The following SCN9A variants were observed in gnomAD, a reference collection of about 807,000 sequenced individuals.
SCN9A encodes sodium voltage-gated channel alpha subunit 9, also known as sodium channel protein type 9 subunit alpha.
In SCN9A, 131 loss-of-function variants were observed where a neutral mutation model predicts 187.0. That is an observed-to-expected ratio of 0.70 (90% confidence interval 0.61 to 0.81). The LOEUF (loss-of-function observed/expected upper bound fraction) is 0.81, where lower values mean the gene tolerates loss of function less well. Among genes scored for constraint, SCN9A ranks in the 30% least tolerant of loss-of-function variants. The pLI is 0.00. For missense variants in SCN9A, 2,252 were observed against 2,396.6 expected, an observed-to-expected ratio of 0.94 and a Z score of 1.26; for synonymous variants, 809 against 808.6, an observed-to-expected ratio of 1.00 and a Z score of -0.01.
chr2:166,296,850 A>G (rs1397858175), intron 7 of SCN9A, among the ~76,000 whole-genome samples: 2 of 152,166 alleles, frequency 1.3e-5, no homozygotes, highest in Admixed American at 6.5e-5. Flanking sequence ...GAATGCAAAG[A>G]AAAATGAAAT....
intron 24 of SCN9A, among the ~76,000 whole-genome samples, chr2:166,215,299 G>T (rs1191104420): frequency 6.6e-6 from 1 of 151,980 alleles, no homozygotes; most frequent in East Asian, 1.9e-4. Flanking sequence ...AGAAAAAGAA[G>T]CCCTGAGAGA....
chr2:166,290,806 A>G (rs752939465), intron 9 of SCN9A, among the ~76,000 whole-genome samples: 2 of 152,204 alleles, frequency 1.3e-5, no homozygotes, highest in Non-Finnish European at 2.9e-5. Context: ...AATCCATCAC[A>G]TAAACAGAAC....
At chr2:166,245,102 GACTA>G (rs1409047346) in intron 18 of SCN9A, among the ~76,000 whole-genome samples, 3 of 151,760 alleles carry the variant, frequency 2.0e-5, no homozygotes, top group Admixed American at 6.6e-5. Flanking sequence ...TTATTTCACT[GACTA>G]ACATAAATAT....
Position 166,251,851 on chromosome 2 carries a change from G to C in SCN9A, c.3386C>G (p.Thr1129Arg). ...LNRSSSSECSTVDNPLPGEGE... is the reference protein window; with the variant it reads ...LNRSSSSECSRVDNPLPGEGE... ...TTCTCCAGGCAAAGGGTTATCAACT[G>C]TGCTGCACTCTGAGGAGCTTGACCG... Residue 1129 changes from threonine (T) to arginine (R), a missense_variant, in exon 18 of 27, where the codon ACA (threonine) becomes AGA (arginine). Physicochemically the swap from Thr to Arg is moderately conservative, Grantham distance 71. This residue lies in a region of SCN9A where 313 missense variants were observed against 295.3 expected (regional missense o/e 1.06). Transcript: ENST00000642356. 2 of 1,612,526 alleles carry C rather than the reference G, an allele frequency of 1.2e-6. No homozygotes were observed. The highest frequency in any genetic ancestry group is 1.7e-6 in the Non-Finnish European group (2 of 1,179,050).
chr2:166,242,220 C>T (rs1695596242), intron 19 of SCN9A, among the ~76,000 whole-genome samples: 1 of 152,086 alleles, frequency 6.6e-6, no homozygotes, highest in Non-Finnish European at 1.5e-5. Flanking sequence ...GCCACAGACT[C>T]TCTCCCTGTT....
chr2:166,230,071 T>A (rs1028366559), intron 21 of SCN9A, among the ~76,000 whole-genome samples: 4 of 152,178 alleles, frequency 2.6e-5, no homozygotes, highest in Non-Finnish European at 5.9e-5. Context: ...TTTGCAAACA[T>A]TTTTATAAAT....
rs752362481 is a variant in SCN9A, at chr2:166,228,966, C to G, written c.3931G>C (p.Val1311Leu). The stretch of plus-strand genomic sequence containing the variant: ...GGAATTGCTCCTATGAGTGCATTCA[C>G]AACGACCTAGTATTCAAAAGAAAGA... Reference protein sequence around the residue: ...LSRFEGMRVVVNALIGAIPSI... With the variant: ...LSRFEGMRVVLNALIGAIPSI... The change falls in exon 22 of 27, where the codon GTG becomes CTG. Residue 1311 changes from valine (V) to leucine (L), a missense_variant. Val to Leu is a conservative substitution (Grantham distance 32). Transcript: ENST00000642356. 1.2e-6 allele frequency: 2 copies of G among 1,611,224 alleles called. No individual in the cohort carries two copies. Among genetic ancestry groups the G allele is most frequent in the Non-Finnish European group, 1.7e-6 (2 of 1,177,732 alleles).
chr2:166,294,022 G>A (rs567048892), intron 8 of SCN9A, among the ~76,000 whole-genome samples: 3 of 152,124 alleles, frequency 2.0e-5, no homozygotes, highest in African/African-American at 7.2e-5. Flanking sequence ...ATAGATGTCT[G>A]CATAGGGGGA....
At chr2:166,355,029 A>AT (rs1700119881) in intron 1 of SCN9A, among the ~76,000 whole-genome samples, 1 of 151,872 alleles carries the variant, frequency 6.6e-6, no homozygotes, top group South Asian at 2.1e-4. Flanking sequence ...TCCAAACCTC[A>AT]TGGGCTCAAG....
At chr2:166,296,998 C>A (rs567500573) in intron 7 of SCN9A, among the ~76,000 whole-genome samples, 1 of 151,560 alleles carries the variant, frequency 6.6e-6, no homozygotes, top group East Asian at 1.9e-4. Flanking sequence ...GAGATCGAGA[C>A]CATCCTGGCT....
intron 1 of SCN9A, chr2:166,321,657 AG>A (rs766010851): frequency 2.3e-4 from 35 of 152,266 alleles, no homozygotes; most frequent in Non-Finnish European, 3.5e-4. Flanking sequence ...AAGTTGAAGG[AG>A]AGAAGGAAGA....
intron 1 of SCN9A, among the ~76,000 whole-genome samples, chr2:166,314,350 G>A (rs978660524): frequency 1.3e-5 from 2 of 152,084 alleles, no homozygotes; most frequent in African/African-American, 4.8e-5. Flanking sequence ...TAGGATAAAG[G>A]TTTTTAAAGA....
rs537648288 is a variant in SCN9A at position 166,374,918 on chromosome 2, TAAAAA to T, written c.-51+774_-51+778del. Among the ~76,000 whole-genome samples the T allele has an allele frequency of 1.0e-3, 143 of 142,336 alleles. 1 individual carries two copies. The highest frequency in any genetic ancestry group is 3.1e-3 in the African/African-American group (122 of 39,188). The allele number at this position is 142,336 out of a possible 152,430, so 93.4% of individuals were successfully genotyped here. A position where few individuals can be genotyped will look rare whatever the true frequency, so the allele number is the denominator to read the frequency against. Reference sequence around the variant, plus strand: ...GATATAATCTATGAACGCTCCAACTTAAAAAAAAAAAACTAAAATAATGAGTGAAA... The same window carrying T: ...GATATAATCTATGAACGCTCCAACTTAAAAAAACTAAAATAATGAGTGAAA... On this transcript the variant is annotated intron_variant, in intron 1 of 26. Transcript: ENST00000642356.
At chr2:166,356,760 T>C (rs77373314) in intron 1 of SCN9A, among the ~76,000 whole-genome samples, 1,881 of 152,244 alleles carry the variant, frequency 0.012, 44 homozygotes, top group African/African-American at 0.043. Context: ...CACTTAAAAA[T>C]CAGACTTGGA....
intron 18 of SCN9A, among the ~76,000 whole-genome samples, chr2:166,249,719 A>G (rs1268831893): frequency 6.6e-6 from 1 of 152,130 alleles, no homozygotes; most frequent in Non-Finnish European, 1.5e-5. Context: ...ATTATATCTT[A>G]TTATAACAGC....
chr2:166,301,115 CTT>C, intron 7 of SCN9A: 1 of 101,912 alleles, frequency 9.8e-6, no homozygotes, highest in South Asian at 2.9e-4. Context: ...TTTTTTTCTT[CTT>C]TTTTTGTATT....
chr2:166,310,018 C>A (rs1472733715), intron 2 of SCN9A, among the ~76,000 whole-genome samples: 1 of 121,652 alleles, frequency 8.2e-6, no homozygotes, highest in African/African-American at 3.4e-5. Flanking sequence ...CCCTATTTAA[C>A]AAATGGTGCT....
At chr2:166,365,203 G>C (rs372490157) in intron 1 of SCN9A, among the ~76,000 whole-genome samples, 1 of 152,050 alleles carries the variant, frequency 6.6e-6, no homozygotes, top group African/African-American at 2.4e-5. Context: ...ATCCATTACA[G>C]ACAGGAAGAG....
At chr2:166,236,490 G>A (rs1221729526) in intron 20 of SCN9A, among the ~76,000 whole-genome samples, 1 of 152,070 alleles carries the variant, frequency 6.6e-6, no homozygotes, top group African/African-American at 2.4e-5. Flanking sequence ...GCACGATCTC[G>A]ACTCACTGAA....
Sources: allele counts gnomAD v4.1 joint callset (sites outside exome capture counted in the v4.1 genomes callset), GRCh38; gene constraint gnomAD v4.1.1; regional missense constraint gnomAD v4.1.1; transcripts MANE v1.5; gene names NCBI Gene and HGNC (gene_info 2026-07-23, HGNC 2026-07-21).